The following CHLSN variants were observed in gnomAD, a reference collection of about 807,000 sequenced individuals.
The protein encoded by CHLSN is protein cholesin.
the CHLSN span, among the ~76,000 whole-genome samples, chr7:995,372 G>A: frequency 6.6e-6 from 1 of 152,224 alleles, no homozygotes; most frequent in Non-Finnish European, 1.5e-5. Flanking sequence ...CCGGTGTCAG[G>A]GGAGCATCTG....
the CHLSN span, chr7:1,137,208 C>CCTGCACCTGCTGTTTCCT: frequency 6.6e-6 from 1 of 152,666 alleles, no homozygotes; most frequent in Admixed American, 6.5e-5. Flanking sequence ...TGCTGTTTCC[C>CCTGCACCTGCTGTTTCCT]CTGCACCTGC....
At chr7:1,058,855 G>T in the CHLSN span, 8 of 259,212 alleles carry the variant, frequency 3.1e-5, no homozygotes, top group Admixed American at 3.4e-4. Context: ...ATACTTTGTG[G>T]TTAAAATACT....
chr7:1,056,676 C>T, the CHLSN span: 1 of 152,256 alleles, frequency 6.6e-6, no homozygotes, highest in African/African-American at 2.4e-5. Context: ...GGTGAGGACC[C>T]ACTCCCGCAG....
the CHLSN span, among the ~76,000 whole-genome samples, chr7:1,100,837 A>AC: frequency 6.6e-6 from 1 of 151,840 alleles, no homozygotes; most frequent in Non-Finnish European, 1.5e-5. Context: ...CAGAGACGAC[A>AC]CCCCGAAAGG....
the CHLSN span, among the ~76,000 whole-genome samples, chr7:1,033,188 C>T: frequency 7.9e-5 from 12 of 152,332 alleles, no homozygotes; most frequent in African/African-American, 2.6e-4. Context: ...TCCTACTCAG[C>T]AACATGGAAA....
the CHLSN span, chr7:1,055,145 A>C: frequency 2.4e-6 from 1 of 425,178 alleles, no homozygotes; most frequent in African/African-American, 2.1e-5. Context: ...ACAAGAGGCC[A>C]GCTGTGCTCA....
the CHLSN span, among the ~76,000 whole-genome samples, chr7:1,023,624 A>C: frequency 1.6e-5 from 2 of 122,382 alleles, no homozygotes; most frequent in East Asian, 2.7e-4. The surrounding 1 kb of genome is among the most constrained non-coding windows in gnomAD (Gnocchi z 5.0). Context: ...CCTCCCAGGA[A>C]ACACACACAC....
At chr7:1,057,555 G>T in the CHLSN span, 1 of 773,966 alleles carries the variant, frequency 1.3e-6, no homozygotes, top group South Asian at 1.4e-5. Flanking sequence ...AGGGCTGGTG[G>T]AGGAGCTGCC....
At chr7:1,119,236 A>G in the CHLSN span, among the ~76,000 whole-genome samples, 1 of 152,134 alleles carries the variant, frequency 6.6e-6, no homozygotes, top group Non-Finnish European at 1.5e-5. Context: ...CAGAAGAATG[A>G]AACTGTATCT....
the CHLSN span, chr7:988,537 G>T: frequency 6.3e-7 from 1 of 1,597,560 alleles, no homozygotes. Flanking sequence ...GAAGGCGGCT[G>T]TGGTGGCTGC....
At chr7:1,120,647 T>A in the CHLSN span, among the ~76,000 whole-genome samples, 3 of 152,152 alleles carry the variant, frequency 2.0e-5, no homozygotes, top group Non-Finnish European at 2.9e-5. Context: ...GCAATTCCGG[T>A]CCTCGGAACG....
the CHLSN span, among the ~76,000 whole-genome samples, chr7:1,084,478 G>A: frequency 4.6e-5 from 7 of 152,338 alleles, no homozygotes; most frequent in East Asian, 1.9e-4. Flanking sequence ...TGGATCCGGC[G>A]CGTGGTACTG....
the CHLSN span, among the ~76,000 whole-genome samples, chr7:1,135,970 TATATATAAATATATAAGC>T: frequency 1.6e-5 from 2 of 126,478 alleles, no homozygotes; most frequent in East Asian, 2.2e-4. Flanking sequence ...TATATATAAG[TATATATAAATATATAAGC>T]ATATATAAAT....
chr7:1,025,054 C>T, the CHLSN span: 34 of 152,338 alleles, frequency 2.2e-4, no homozygotes, highest in African/African-American at 8.2e-4. Context: ...AAATGCGCCC[C>T]CTTCGCCCCA....
the CHLSN span, among the ~76,000 whole-genome samples, chr7:1,000,210 G>A: frequency 1.3e-5 from 2 of 152,148 alleles, no homozygotes; most frequent in Non-Finnish European, 2.9e-5. Flanking sequence ...TGTGGCTTCT[G>A]CTGTCAGGGC....
chr7:1,136,389 C>A, the CHLSN span, among the ~76,000 whole-genome samples: 547 of 97,168 alleles, frequency 5.6e-3, 62 homozygotes, highest in African/African-American at 0.025. Context: ...AATATATAAA[C>A]ATATATATAA....
At chr7:994,971 C>T in the CHLSN span, among the ~76,000 whole-genome samples, 1 of 152,236 alleles carries the variant, frequency 6.6e-6, no homozygotes, top group African/African-American at 2.4e-5. Context: ...GCTGCCCTCT[C>T]CACAGTGAGG....
the CHLSN span, among the ~76,000 whole-genome samples, chr7:1,035,481 G>A: frequency 6.6e-6 from 1 of 152,254 alleles, no homozygotes; most frequent in Non-Finnish European, 1.5e-5. Flanking sequence ...GATGTCCACA[G>A]GAAAACAATA....
chr7:1,094,336 A>G, the CHLSN span, among the ~76,000 whole-genome samples: 30 of 152,336 alleles, frequency 2.0e-4, no homozygotes, highest in Middle Eastern at 0.01. Flanking sequence ...AAACCTGCGC[A>G]GGGCGTCGGG....
Sources: gnomAD v4.1 joint callset for allele counts (sites outside exome capture counted in the v4.1 genomes callset) on GRCh38, gnomAD v4.1.1 for gene constraint, Gnocchi (gnomAD v3.1) non-coding constraint, MANE v1.5 for transcripts, NCBI Gene and HGNC (gene_info 2026-07-23, HGNC 2026-07-21) for gene names.